Variants in TULP4 observed in about 807,000 individuals in gnomAD.
TULP4 encodes the protein tubby-related protein 4.
In TULP4, 16 loss-of-function variants were observed where a neutral mutation model predicts 129.0. The ratio of observed to expected loss-of-function variants is 0.12; its 90% CI spans 0.08 to 0.19. The LOEUF is 0.19. Among genes scored for constraint, TULP4 ranks in the 10% least tolerant of loss-of-function variants. The pLI is 1.00. For synonymous variants in TULP4, 998 were observed against 854.0 expected, an observed-to-expected ratio of 1.17 and a Z score of -2.94; for missense variants, 1,842 against 2,059.1, an observed-to-expected ratio of 0.89 and a Z score of 2.04.
intron 1 of TULP4, among the ~76,000 whole-genome samples, chr6:158,292,301 A>G (rs1219152649): frequency 6.6e-6 from 1 of 152,204 alleles, no homozygotes; most frequent in African/African-American, 2.4e-5. Flanking sequence ...TGGGACTTTC[A>G]TTGCTAACAC....
At chr6:158,334,080 GA>G (rs1779978611) in intron 1 of TULP4, among the ~76,000 whole-genome samples, 1 of 152,172 alleles carries the variant, frequency 6.6e-6, no homozygotes, top group African/African-American at 2.4e-5. Context: ...TGTCCCCAGT[GA>G]ATTGCGCATC....
At chr6:158,252,711 A>G (rs1226633336) in intron 1 of TULP4, among the ~76,000 whole-genome samples, 1 of 152,166 alleles carries the variant, frequency 6.6e-6, no homozygotes, top group East Asian at 1.9e-4. Context: ...CAAAACTAAG[A>G]AATTAACATT....
intron 1 of TULP4, among the ~76,000 whole-genome samples, chr6:158,257,046 T>C (rs1778257734): frequency 6.6e-6 from 1 of 152,162 alleles, no homozygotes. Flanking sequence ...TGTTGAAATA[T>C]TTAGAAATTA....
At chr6:158,234,608 A>G (rs953871634) in intron 1 of TULP4, among the ~76,000 whole-genome samples, 1 of 152,214 alleles carries the variant, frequency 6.6e-6, no homozygotes, top group Non-Finnish European at 1.5e-5. Flanking sequence ...GTGATTTGTA[A>G]AATGCATTTA....
intron 3 of TULP4, among the ~76,000 whole-genome samples, chr6:158,443,781 A>G (rs976050671): frequency 2.6e-5 from 4 of 152,148 alleles, no homozygotes; most frequent in African/African-American, 9.6e-5. Flanking sequence ...AAAAAAAAAC[A>G]GGAAATATTC....
chr6:158,422,335 T>C (rs1778364410), intron 2 of TULP4, among the ~76,000 whole-genome samples: 1 of 152,222 alleles, frequency 6.6e-6, no homozygotes, highest in Admixed American at 6.5e-5. Flanking sequence ...AATTATAAGA[T>C]GCAGGTAGTT....
chr6:158,307,728 G>C (rs957581219), upstream of TULP4, among the ~76,000 whole-genome samples: 1 of 152,042 alleles, frequency 6.6e-6, no homozygotes, highest in East Asian at 1.9e-4. Flanking sequence ...GGTGACCCCC[G>C]CCTTGGCCTC....
chr6:158,288,550 G>T (rs1228984942), intron 1 of TULP4, among the ~76,000 whole-genome samples: 1 of 151,880 alleles, frequency 6.6e-6, no homozygotes, highest in African/African-American at 2.4e-5. Context: ...GCCCAGGCCG[G>T]AGTGCAGTGG....
chr6:158,391,929 A>C (rs1451343259), intron 1 of TULP4, among the ~76,000 whole-genome samples: 2 of 152,186 alleles, frequency 1.3e-5, no homozygotes, highest in African/African-American at 4.8e-5. Flanking sequence ...TAGTGCCTGG[A>C]ATGTGGCAGG....
In TULP4 at chr6:158,493,465, C is replaced by CCCAACA; in HGVS notation, c.1632-105_1632-100dup. 1 of 1,246,548 alleles carries CCCAACA rather than the reference C, an allele frequency of 8.0e-7. No individual in the cohort carries two copies. 77.2% of individuals were successfully genotyped at this position (1,246,548 alleles called of 1,614,324 possible). Reference sequence around the variant, plus strand: ...TCGGGCACTGGCTGCAGGGTGAGAACCCAACACCCAGGCTGGCTGTCCAGA... The same window carrying CCCAACA: ...TCGGGCACTGGCTGCAGGGTGAGAACCCAACACCAACACCCAGGCTGGCTGTCCAGA... On this transcript the variant is annotated intron_variant, in intron 9 of 13. Transcript: ENST00000367097. This position sits in a 1 kb window ranked among gnomAD's most constrained non-coding sequence, Gnocchi z 4.4.
rs138863746 is a variant in TULP4 at position 158,481,071 on chromosome 6, C to T, written c.1268C>T (p.Pro423Leu). The change falls in exon 8 of 14, where the codon CCG becomes CTG. Residue 423 changes from proline (P) to leucine (L), a missense_variant. Physicochemically the swap from Pro to Leu is moderately conservative, Grantham distance 98. Transcript: ENST00000367097. ...IPTIKPPIPD[P>L]NNMRDFVSYP... The stretch of plus-strand genomic sequence containing the variant: ...ATCCTCCAGCCCCCAATTCCAGATC[C>T]GAACAACATGAGAGACTTTGTCAGC... The T allele has an allele frequency of 7.6e-4, 1,192 of 1,573,014 alleles. 2 individuals carry two copies. Among genetic ancestry groups the T allele is most frequent in the Non-Finnish European group, 9.1e-4 (1,052 of 1,155,782 alleles).
intron 1 of TULP4, among the ~76,000 whole-genome samples, chr6:158,377,184 C>T (rs1777210728): frequency 6.6e-6 from 1 of 152,084 alleles, no homozygotes; most frequent in Non-Finnish European, 1.5e-5. Context: ...TATGAAGCAC[C>T]CAGCACGCCT....
Position 158,481,081 on chromosome 6 carries a change from G to T in TULP4, c.1278G>T (p.Met426Ile). Residue 426 changes from methionine to isoleucine, a missense_variant, in exon 8 of 14, where the codon ATG becomes ATT. Physicochemically the swap from Met to Ile is conservative, Grantham distance 10. Coordinates refer to ENST00000367097, the MANE Select transcript of TULP4 (RefSeq NM_020245.5). ...CCCCAATTCCAGATCCGAACAACAT[G>T]AGAGACTTTGTCAGCTACCCATCAG... is the stretch of plus-strand genomic sequence containing the variant. ...IKPPIPDPNN[M>I]RDFVSYPSAG... The T allele has an allele frequency of 6.3e-7, 1 of 1,589,340 alleles. No individual in the cohort carries two copies. Among genetic ancestry groups the T allele is most frequent in the South Asian group, 1.1e-5 (1 of 87,928 alleles).
chr6:158,447,331 T>A (rs1007650547), intron 3 of TULP4, among the ~76,000 whole-genome samples: 3 of 152,178 alleles, frequency 2.0e-5, no homozygotes, highest in African/African-American at 7.2e-5. Context: ...TAAAATGAAT[T>A]TCATGGTGTT....
intron 1 of TULP4, among the ~76,000 whole-genome samples, chr6:158,394,786 C>CAAA (rs71030166): frequency 0.1 from 4,791 of 45,886 alleles, 845 homozygotes; most frequent in Middle Eastern, 0.15. Flanking sequence ...GGCTCTGTCT[C>CAAA]AAAAAAAAAA....
intron 1 of TULP4, among the ~76,000 whole-genome samples, chr6:158,345,588 G>T (rs1043446003): frequency 6.6e-6 from 1 of 152,230 alleles, no homozygotes; most frequent in Non-Finnish European, 1.5e-5. Context: ...TTCAAAAGGG[G>T]AGTGGGTGTA....
intron 1 of TULP4, among the ~76,000 whole-genome samples, chr6:158,350,099 G>A (rs544466922): frequency 4.1e-5 from 6 of 147,670 alleles, no homozygotes; most frequent in East Asian, 2.1e-4. Context: ...CGGGGCAGCC[G>A]GGCAGAGGCG....
At chr6:158,477,919 T>C (rs1356874168) in intron 6 of TULP4, among the ~76,000 whole-genome samples, 1 of 152,182 alleles carries the variant, frequency 6.6e-6, no homozygotes, top group African/African-American at 2.4e-5. Flanking sequence ...TGGAATACTA[T>C]GCAGCCATAA....
At chr6:158,381,846 T>C (rs1341697393) in intron 1 of TULP4, among the ~76,000 whole-genome samples, 1 of 152,370 alleles carries the variant, frequency 6.6e-6, no homozygotes, top group East Asian at 1.9e-4. Context: ...GAATTTTCTC[T>C]TAATCATTTG....
Sources: allele counts gnomAD v4.1 joint callset (sites outside exome capture counted in the v4.1 genomes callset), GRCh38; gene constraint gnomAD v4.1.1; non-coding constraint Gnocchi (gnomAD v3.1); transcripts MANE v1.5; gene names NCBI Gene and HGNC (gene_info 2026-07-23, HGNC 2026-07-21).